Variants in ATP8B3 observed in about 807,000 individuals in gnomAD.
ATP8B3 encodes the protein phospholipid-transporting ATPase IK.
In ATP8B3, 141 loss-of-function variants were observed where a neutral mutation model predicts 140.9. The ratio of observed to expected loss-of-function variants is 1.00; its 90% CI spans 0.87 to 1.15. The LOEUF is 1.15. ATP8B3 is among the 50% of genes most tolerant of loss of function. The pLI, the probability that ATP8B3 is intolerant of heterozygous loss-of-function variation, is 0.00. For synonymous variants in ATP8B3, 765 were observed against 714.6 expected (o/e 1.07, Z -1.13); for missense variants, 1,874 against 1,740.6 (o/e 1.08, Z -1.36).
chr19:1,806,564 G>T lies in ATP8B3; in HGVS notation c.677+64C>A, dbSNP rs560109719. On this transcript the variant is annotated intron_variant, in intron 7 of 28. Coordinates refer to ENST00000310127, the MANE Select transcript of ATP8B3 (RefSeq NM_138813.4). The surrounding 1 kb of genome is among the most constrained non-coding windows in gnomAD (Gnocchi z 5.6). ...AAGGTGATGGACACTTGCCGAGGCCGATGACCCTGCTGGGCTGGAGCCCCC... is the reference window on the plus strand; with the variant it reads ...AAGGTGATGGACACTTGCCGAGGCCTATGACCCTGCTGGGCTGGAGCCCCC... 1.1e-5 allele frequency: 17 copies of T among 1,546,458 alleles called. No homozygotes were observed. The highest frequency in any genetic ancestry group is 1.4e-5 in the Non-Finnish European group (16 of 1,145,824).
chr19:1,792,239 A>G lies in ATP8B3; in HGVS notation c.2056-104T>C, dbSNP rs564600610. 3.7e-6 allele frequency: 5 copies of G among 1,339,268 alleles called. No individual in the cohort carries two copies. The African/African-American group carries it at 7.4e-5, about 20-fold the overall frequency. The allele number at this position is 1,339,268 out of a possible 1,614,324, so 83.0% of individuals were successfully genotyped here. ...GCTCCGGAGCCTGGGTCCCCCAACCAAAAGCCTGTTGCCTCCCCAGCCAAC... is the reference window on the plus strand; with the variant it reads ...GCTCCGGAGCCTGGGTCCCCCAACCGAAAGCCTGTTGCCTCCCCAGCCAAC... On this transcript the variant is annotated intron_variant, in intron 18 of 28. Coordinates refer to ENST00000310127, the MANE Select transcript of ATP8B3 (RefSeq NM_138813.4).
intron 20 of ATP8B3, among the ~76,000 whole-genome samples, chr19:1,791,418 C>G (rs796572914): frequency 6.7e-6 from 1 of 150,316 alleles, no homozygotes; most frequent in Non-Finnish European, 1.5e-5. Context: ...GACAGAGTCT[C>G]GCTCTGTCGC....
intron 18 of ATP8B3, among the ~76,000 whole-genome samples, chr19:1,795,321 G>A (rs996365066): frequency 4.6e-5 from 7 of 151,844 alleles, no homozygotes; most frequent in African/African-American, 1.7e-4. Flanking sequence ...GGAGGCCAAG[G>A]GGGCAGATCA....
rs373323935 is a variant in ATP8B3, at chr19:1,796,184, G to C, written c.1835C>G (p.Ser612Cys). Residue 612 changes from serine (S) to cysteine (C), a missense_variant, in exon 17 of 29, where the codon TCC becomes TGC. Transcript: ENST00000310127. ...AARNFGYVFL[S>C]RTQDTVTIME... The stretch of plus-strand genomic sequence containing the variant: ...GATCGTGACGGTGTCCTGGGTGCGG[G>C]ACAGGAACACGTAGCCGAAGTTCCG... 14 of 1,612,918 alleles carry C rather than the reference G, an allele frequency of 8.7e-6. No homozygotes were observed. In the African/African-American group the frequency reaches 1.7e-4, roughly 20 times the overall value.
At chr19:1,796,368 T>A in intron 16 of ATP8B3, 103 bp from the exon 17 acceptor site, 1 of 1,160,714 alleles carries the variant, frequency 8.6e-7, no homozygotes, top group Non-Finnish European at 1.2e-6. Flanking sequence ...CCTTTATTGA[T>A]GGTGGCCGGG....
chr19:1,806,016 G>C lies in ATP8B3; in HGVS notation c.751-58C>G. The C allele has an allele frequency of 6.2e-7, 1 of 1,608,776 alleles. No homozygotes were observed. The highest frequency in any genetic ancestry group is 1.7e-5 in the Admixed American group (1 of 59,762). ...GGGATGCAAGACAAATTGGGGGTGC[G>C]GCAGCCCTCCCCACCCTGGGAGGGG... On this transcript the variant is annotated intron_variant, in intron 8 of 28. Coordinates refer to ENST00000310127, the MANE Select transcript of ATP8B3 (RefSeq NM_138813.4). This position sits in a 1 kb window ranked among gnomAD's most constrained non-coding sequence, Gnocchi z 5.6.
In ATP8B3 at chr19:1,801,929, G is replaced by A. The variant is rs1331486157; in HGVS notation, c.1152+27C>T. The A allele has an allele frequency of 5.7e-6, 9 of 1,565,718 alleles. No homozygotes were observed. In the Admixed American group the frequency reaches 1.3e-4, roughly 23 times the overall value. On this transcript the variant is annotated intron_variant, in intron 12 of 28. Transcript: ENST00000310127. ...GACCCTGCACTCCTCTGTGTTCCTG[G>A]GGCAGGGGCACTTGTTGGCAGCTCA... is the stretch of plus-strand genomic sequence containing the variant.
At chr19:1,793,107 G>C (rs1475531006) in intron 18 of ATP8B3, among the ~76,000 whole-genome samples, 9 of 149,334 alleles carry the variant, frequency 6.0e-5, no homozygotes, top group Non-Finnish European at 1.0e-4. Context: ...TCTCGGGGGT[G>C]GGGGATAGGG....
chr19:1,791,820 A>C lies in ATP8B3; in HGVS notation c.2232T>G (p.Gly744=), dbSNP rs1600414789. ...ATAIEDRLQD[G]VPETIKCLKK... is the part of the protein sequence containing the mutation. Reference sequence around the variant, plus strand: ...TGAGACATTTGATGGTTTCAGGGACACCGTCCTGGAGTCTGTCCTCGATGG... The same window carrying C: ...TGAGACATTTGATGGTTTCAGGGACCCCGTCCTGGAGTCTGTCCTCGATGG... The change falls in exon 20 of 29, where the codon GGT becomes GGG. Residue 744 remains glycine (G), a synonymous_variant. Transcript: ENST00000310127. 6.2e-7 allele frequency: 1 copy of C among 1,611,654 alleles called. No homozygotes were observed. Among genetic ancestry groups the C allele is most frequent in the Non-Finnish European group, 8.5e-7 (1 of 1,179,808 alleles).
At position 1,803,668 on chromosome 19, in the gene ATP8B3, G is replaced by C. The variant is rs566608486; in HGVS notation, c.905-1023C>G. On this transcript the variant is annotated intron_variant, in intron 10 of 28. Transcript: ENST00000310127. ...TCCCAGCAATTTCAGAGGCCGAGGCGGGTGGATCACCTGAGGTCAGGAGTT... is the reference window on the plus strand; with the variant it reads ...TCCCAGCAATTTCAGAGGCCGAGGCCGGTGGATCACCTGAGGTCAGGAGTT... Among the ~76,000 whole-genome samples, 868 of 152,150 alleles carry C rather than the reference G, an allele frequency of 5.7e-3. 10 individuals are homozygous for C. Among genetic ancestry groups the C allele is most frequent in the African/African-American group, 0.02 (838 of 41,516 alleles).
In ATP8B3 at chr19:1,811,616, C is replaced by G; in HGVS notation, c.121G>C (p.Ala41Pro). 6.2e-7 allele frequency: 1 copy of G among 1,612,056 alleles called. No individual in the cohort carries two copies. The highest frequency in any genetic ancestry group is 1.1e-5 in the South Asian group (1 of 91,068). The change falls in exon 2 of 29, where the codon GCT (alanine) becomes CCT (proline). Residue 41 changes from alanine (A) to proline (P), a missense_variant. By Grantham distance (27) the Ala-to-Pro change is conservative. Coordinates refer to ENST00000310127, the MANE Select transcript of ATP8B3 (RefSeq NM_138813.4). ...SDVTQEGSGP[A>P]GIRGGETVIR... Reference sequence around the variant, plus strand: ...ACCGTCTCACCTCCGCGGATGCCAGCAGGACCTGAGCCTTCCTGAGTCACG... The same window carrying G: ...ACCGTCTCACCTCCGCGGATGCCAGGAGGACCTGAGCCTTCCTGAGTCACG...
chr19:1,802,989 A>G (rs2068901458), intron 10 of ATP8B3, among the ~76,000 whole-genome samples: 1 of 152,186 alleles, frequency 6.6e-6, no homozygotes, highest in African/African-American at 2.4e-5. Flanking sequence ...TGTGAACTCC[A>G]TGAGAACTGG....
At position 1,805,368 on chromosome 19, in the gene ATP8B3, T is replaced by A. The variant is rs1395471444; in HGVS notation, c.904+6A>T. 1.9e-6 allele frequency: 3 copies of A among 1,559,986 alleles called. No individual in the cohort carries two copies. The highest frequency in any genetic ancestry group is 2.6e-6 in the Non-Finnish European group (3 of 1,149,594). On this transcript the variant is annotated splice_donor_region_variant and intron_variant, in intron 10 of 28. Coordinates refer to ENST00000310127, the MANE Select transcript of ATP8B3 (RefSeq NM_138813.4). The surrounding 1 kb of genome is among the most constrained non-coding windows in gnomAD (Gnocchi z 5.2). The stretch of plus-strand genomic sequence containing the variant: ...GGGACGTGACTCCCTGCTCAACGCC[T>A]CTCACCTTGAAAGGACGCCATCTTC...
intron 19 of ATP8B3, 23 bp from the exon 20 acceptor site, chr19:1,791,884 C>T (rs1274162277): frequency 7.5e-6 from 12 of 1,608,460 alleles, no homozygotes; most frequent in African/African-American, 1.3e-5. Context: ...GAGGGCAGGG[C>T]GGGGAAGATG....
At chr19:1,797,524 G>A (rs1028021778) in intron 14 of ATP8B3, among the ~76,000 whole-genome samples, 1 of 148,704 alleles carries the variant, frequency 6.7e-6, no homozygotes, top group Non-Finnish European at 1.5e-5. Context: ...TTTTGAGACA[G>A]AGTCCTGCTC....
chr19:1,795,819 A>ATAAGC, intron 18 of ATP8B3, 56 bp downstream of exon 18: 2 of 1,120,348 alleles, frequency 1.8e-6, no homozygotes, highest in Non-Finnish European at 2.6e-6. Context: ...ACACACACAC[A>ATAAGC]CACACACACA....
chr19:1,783,250 G>A lies in ATP8B3; in HGVS notation c.3681C>T (p.Gly1227=), dbSNP rs1340242453. ...CCATGGTGAAAATCTCCTCGCTGGG[G>A]CCCTCCTCCACCTTCTCCTCCTGAA... ...LRAKEEKVEE[G]PSEEIFTMEP... The change falls in exon 29 of 29, where the codon GGC becomes GGT. Residue 1227 remains glycine (G), a synonymous_variant. Coordinates refer to ENST00000310127, the MANE Select transcript of ATP8B3 (RefSeq NM_138813.4). 6.2e-7 allele frequency: 1 copy of A among 1,609,742 alleles called. No homozygotes were observed. Among genetic ancestry groups the A allele is most frequent in the South Asian group, 1.1e-5 (1 of 90,322 alleles).
intron 10 of ATP8B3, among the ~76,000 whole-genome samples, chr19:1,804,587 AAC>A (rs1345892849): frequency 6.6e-6 from 1 of 150,784 alleles, no homozygotes; most frequent in Non-Finnish European, 1.5e-5. Flanking sequence ...CAGCCTGGGC[AAC>A]AGAGCGAGAC....
At position 1,808,350 on chromosome 19, in the gene ATP8B3, G is replaced by A. The variant is rs183712943; in HGVS notation, c.403-15C>T. 14 of 1,598,678 alleles carry A rather than the reference G, an allele frequency of 8.8e-6. No homozygotes were observed. The highest frequency in any genetic ancestry group is 6.7e-5 in the East Asian group (3 of 44,548). On this transcript the variant is annotated splice_polypyrimidine_tract_variant and intron_variant, in intron 4 of 28. Transcript: ENST00000310127. ...ATGACATTGGTCTGGAACGAGAGCC[G>A]CGGGCTGCCTGGCAGAGGGGTGCCA...
Sources: gnomAD v4.1 joint callset for allele counts (sites outside exome capture counted in the v4.1 genomes callset) on GRCh38, gnomAD v4.1.1 for gene constraint, Gnocchi (gnomAD v3.1) non-coding constraint, MANE v1.5 for transcripts, NCBI Gene and HGNC (gene_info 2026-07-23, HGNC 2026-07-21) for gene names.